Variants in ANKS1B observed in about 807,000 individuals in gnomAD.
ANKS1B encodes the protein ankyrin repeat and sterile alpha motif domain-containing protein 1B.
Under a neutral mutation model 148.3 loss-of-function variants are expected in ANKS1B, and 36 were observed. The observed-to-expected ratio is 0.24, with a 90% CI of 0.19 to 0.32. The LOEUF (loss-of-function observed/expected upper bound fraction) is 0.32, where lower values mean the gene tolerates loss of function less well. Ranked by LOEUF, ANKS1B falls within the 10% of genes least tolerant of loss-of-function variation. The pLI is 1.00. For synonymous variants in ANKS1B, 542 were observed against 560.8 expected (o/e 0.97, Z 0.47); for missense variants, 1,157 against 1,542.6 (o/e 0.75, Z 4.19).
intron 8 of ANKS1B, among the ~76,000 whole-genome samples, chr12:99,768,619 A>G (rs2062876935): frequency 6.6e-6 from 1 of 152,066 alleles, no homozygotes; most frequent in Admixed American, 6.6e-5. Context: ...CAAGGTCGGG[A>G]GATCGAGACC....
intron 12 of ANKS1B, among the ~76,000 whole-genome samples, chr12:99,336,478 CT>C (rs2088891458): frequency 6.6e-6 from 1 of 151,842 alleles, no homozygotes; most frequent in Non-Finnish European, 1.5e-5. Context: ...TCAATATTTT[CT>C]TGTAGTAGTT....
In ANKS1B at chr12:99,371,956, T is replaced by C. The variant is rs376447618; in HGVS notation, c.1756+27675A>G. ...AAATGACCCAAACTAACACTATTAT[T>C]ATTTCTTTAAAATTGGTGACACAGA... is the stretch of plus-strand genomic sequence containing the variant. On this transcript the variant is annotated intron_variant, in intron 12 of 26. Coordinates refer to ENST00000683438, the MANE Select transcript of ANKS1B (RefSeq NM_001352186.2). Among the ~76,000 whole-genome samples, 107 of 152,252 alleles carry C rather than the reference T, an allele frequency of 7.0e-4. 2 individuals are homozygous for C. In the South Asian group the frequency reaches 0.021, roughly 30 times the overall value.
intron 4 of ANKS1B, among the ~76,000 whole-genome samples, chr12:99,788,657 C>A (rs1433828889): frequency 1.3e-5 from 2 of 152,126 alleles, no homozygotes; most frequent in Non-Finnish European, 2.9e-5. Flanking sequence ...AACAAGCAGG[C>A]ACACGGGGTC....
chr12:99,668,606 T>C (rs2098521219), intron 8 of ANKS1B, among the ~76,000 whole-genome samples: 1 of 152,154 alleles, frequency 6.6e-6, no homozygotes, highest in Non-Finnish European at 1.5e-5. Flanking sequence ...AGCAACTAGA[T>C]TATGATGTAT....
At chr12:99,311,624 G>A (rs1172300740) in intron 12 of ANKS1B, among the ~76,000 whole-genome samples, 1 of 152,054 alleles carries the variant, frequency 6.6e-6, no homozygotes, top group East Asian at 1.9e-4. Flanking sequence ...ACCCAAACTG[G>A]AAAGTGCCCA....
intron 9 of ANKS1B, among the ~76,000 whole-genome samples, chr12:99,617,450 A>G (rs1280721978): frequency 6.6e-6 from 1 of 152,184 alleles, no homozygotes; most frequent in Non-Finnish European, 1.5e-5. Flanking sequence ...ATGGAATACT[A>G]TGCAGCCATA....
intron 10 of ANKS1B, among the ~76,000 whole-genome samples, chr12:99,461,079 C>T (rs141992574): frequency 2.9e-4 from 44 of 151,758 alleles, no homozygotes; most frequent in African/African-American, 1.0e-3. Flanking sequence ...CATACACACA[C>T]CATGGAATAC....
Position 98,786,791 on chromosome 12 carries a change from A to G in ANKS1B, c.3343-4654T>C, listed in dbSNP as rs141152221. Among the ~76,000 whole-genome samples, 135 of 152,326 alleles carry G rather than the reference A, an allele frequency of 8.9e-4. 1 individual carries two copies. The highest frequency in any genetic ancestry group is 1.8e-3 in the Non-Finnish European group (122 of 68,030). Reference sequence around the variant, plus strand: ...GAATCATTAGTGCCCCATCATCAGCACAGACAGGGAAAACAGTGAGGCTAA... The same window carrying G: ...GAATCATTAGTGCCCCATCATCAGCGCAGACAGGGAAAACAGTGAGGCTAA... On this transcript the variant is annotated intron_variant, in intron 22 of 26. Coordinates refer to ENST00000683438, the MANE Select transcript of ANKS1B (RefSeq NM_001352186.2).
At chr12:99,185,498 G>A (rs1309468693) in intron 14 of ANKS1B, among the ~76,000 whole-genome samples, 2 of 152,206 alleles carry the variant, frequency 1.3e-5, no homozygotes, top group Non-Finnish European at 2.9e-5. Context: ...CTCCCAGTAA[G>A]ATCAATGCAG....
intron 11 of ANKS1B, among the ~76,000 whole-genome samples, chr12:99,432,590 T>C (rs1445325292): frequency 6.6e-6 from 1 of 152,132 alleles, no homozygotes; most frequent in Non-Finnish European, 1.5e-5. Flanking sequence ...CAACGCATAA[T>C]GTTAGTTCGG....
chr12:99,300,681 T>A (rs1037919165), intron 12 of ANKS1B, among the ~76,000 whole-genome samples: 1 of 152,174 alleles, frequency 6.6e-6, no homozygotes, highest in African/African-American at 2.4e-5. Context: ...CAAAATGCAG[T>A]AGGGGTAAGA....
intron 25 of ANKS1B, among the ~76,000 whole-genome samples, chr12:98,755,619 C>T (rs1472266662): frequency 6.6e-6 from 1 of 152,172 alleles, no homozygotes; most frequent in Non-Finnish European, 1.5e-5. Flanking sequence ...GAGAGATGTG[C>T]CAAGCATTAT....
intron 17 of ANKS1B, among the ~76,000 whole-genome samples, chr12:98,978,831 C>A (rs944310318): frequency 7.9e-5 from 12 of 152,132 alleles, no homozygotes; most frequent in African/African-American, 2.7e-4. Context: ...CTTTAAATAG[C>A]TAAGTCTTTT....
At chr12:99,384,172 T>C (rs116714033) in intron 12 of ANKS1B, among the ~76,000 whole-genome samples, 1 of 152,304 alleles carries the variant, frequency 6.6e-6, no homozygotes, top group African/African-American at 2.4e-5. Context: ...TCAAGAAATA[T>C]TTATTGACTG....
At chr12:99,240,256 T>C (rs1456402514) in intron 14 of ANKS1B, among the ~76,000 whole-genome samples, 4 of 152,010 alleles carry the variant, frequency 2.6e-5, no homozygotes, top group Non-Finnish European at 2.9e-5. Flanking sequence ...AAAGCACGGA[T>C]TGCAATCCTA....
chr12:99,967,612 T>C (rs2095501522), intron 1 of ANKS1B, among the ~76,000 whole-genome samples: 1 of 152,028 alleles, frequency 6.6e-6, no homozygotes. Context: ...TGTAATTTAC[T>C]ATTCTGAAAA....
chr12:99,952,142 T>C (rs2095236535), intron 1 of ANKS1B, among the ~76,000 whole-genome samples: 1 of 152,178 alleles, frequency 6.6e-6, no homozygotes, highest in Non-Finnish European at 1.5e-5. Context: ...TATAACAAAA[T>C]TGATCAAATT....
chr12:99,922,874 C>T (rs543568875), intron 1 of ANKS1B, among the ~76,000 whole-genome samples: 2 of 151,914 alleles, frequency 1.3e-5, no homozygotes, highest in African/African-American at 4.8e-5. Flanking sequence ...CATGAGATAA[C>T]ACAGCATGAA....
intron 8 of ANKS1B, among the ~76,000 whole-genome samples, chr12:99,731,583 C>T (rs145524525): frequency 6.6e-6 from 1 of 151,942 alleles, no homozygotes; most frequent in Non-Finnish European, 1.5e-5. Flanking sequence ...ATACTAGAGT[C>T]TTTTTCAAAA....
Sources: allele counts gnomAD v4.1 joint callset (sites outside exome capture counted in the v4.1 genomes callset), GRCh38; gene constraint gnomAD v4.1.1; transcripts MANE v1.5; gene names NCBI Gene and HGNC (gene_info 2026-07-23, HGNC 2026-07-21).